PTPRJ: variants seen among roughly 807,000 people sequenced by gnomAD.
PTPRJ encodes protein tyrosine phosphatase receptor type J.
In PTPRJ, 129 loss-of-function variants were observed where a neutral mutation model predicts 141.3. The observed-to-expected ratio is 0.91, with a 90% confidence interval of 0.79 to 1.06. PTPRJ has a LOEUF of 1.06. Among genes scored for constraint, PTPRJ ranks in the 50% least tolerant of loss-of-function variants. The probability of loss-of-function intolerance (pLI) is 0.00; values close to 1 mark genes in which losing one functional copy is unlikely to be tolerated. For missense variants in PTPRJ, 1,601 were observed against 1,679.7 expected (o/e 0.95, Z 0.82); for synonymous variants, 610 against 640.5 (o/e 0.95, Z 0.72).
rs1462522421 is a variant in PTPRJ at position 48,007,558 on chromosome 11, A to G, written c.96+26550A>G. 2.0e-5 allele frequency among the ~76,000 whole-genome samples: 3 copies of G among 152,188 alleles called. No individual in the cohort carries two copies. The East Asian group carries it at 5.8e-4, about 29-fold the overall frequency. ...GCTGGGATTACAAGCATGTGCCACC[A>G]CACCTGGCTAATTTTTCTATTTTTA... On this transcript the variant is annotated intron_variant, in intron 1 of 24. Transcript: ENST00000418331.
chr11:47,993,863 CTG>C (rs1232435048), intron 1 of PTPRJ, among the ~76,000 whole-genome samples: 1 of 150,326 alleles, frequency 6.7e-6, no homozygotes, highest in Non-Finnish European at 1.5e-5. Context: ...CAGTCTCGCT[CTG>C]TTGCCCAGGC....
chr11:48,007,035 A>G (rs926935078), intron 1 of PTPRJ, among the ~76,000 whole-genome samples: 1 of 152,050 alleles, frequency 6.6e-6, no homozygotes, highest in African/African-American at 2.4e-5. Context: ...GAGCAGTCTG[A>G]TGTGTTCCCC....
At chr11:48,119,444 G>A (rs1274688551) in intron 3 of PTPRJ, among the ~76,000 whole-genome samples, 1 of 152,116 alleles carries the variant, frequency 6.6e-6, no homozygotes, top group Non-Finnish European at 1.5e-5. Flanking sequence ...TGTTGCCCAG[G>A]CTGGAGTGCA....
chr11:48,112,542 T>A (rs557012769), intron 2 of PTPRJ, among the ~76,000 whole-genome samples: 71 of 152,340 alleles, frequency 4.7e-4, no homozygotes, highest in African/African-American at 1.7e-3. Flanking sequence ...GCTTCTGCAC[T>A]CTCGTGGCCA....
intron 1 of PTPRJ, among the ~76,000 whole-genome samples, chr11:47,995,590 C>T (rs1285754331): frequency 6.6e-6 from 1 of 152,182 alleles, no homozygotes; most frequent in Non-Finnish European, 1.5e-5. Context: ...ATTTTAGATC[C>T]TGGAGCTATC....
Position 48,158,143 on chromosome 11 carries a change from C to CCAGAG in PTPRJ, c.3439-1787_3439-1786insCAGAG, listed in dbSNP as rs1428620786. 1.2e-4 allele frequency among the ~76,000 whole-genome samples: 18 copies of CCAGAG among 152,194 alleles called. No individual in the cohort carries two copies. The highest frequency in any genetic ancestry group is 2.6e-4 in the Admixed American group (4 of 15,284). On this transcript the variant is annotated intron_variant, in intron 21 of 24. Coordinates refer to ENST00000418331, the MANE Select transcript of PTPRJ (RefSeq NM_002843.4). The surrounding 1 kb of genome is among the most constrained non-coding windows in gnomAD (Gnocchi z 4.4). ...CTCCAGCCTAGGCAACAGAGCAAGA[C>CCAGAG]TCTGTCTCAAAACAAAACAAAACAA...
At chr11:48,163,657 G>A in intron 23 of PTPRJ, 39 bp downstream of exon 23, 2 of 1,574,240 alleles carry the variant, frequency 1.3e-6, no homozygotes, top group Non-Finnish European at 1.7e-6. Context: ...GATTTCAAAT[G>A]TCATTATATA....
At chr11:47,996,971 G>A (rs912872576) in intron 1 of PTPRJ, among the ~76,000 whole-genome samples, 2 of 152,224 alleles carry the variant, frequency 1.3e-5, no homozygotes. Flanking sequence ...GGAATGCTTA[G>A]CCTTTGCTCT....
chr11:48,030,430 C>T (rs545169248), intron 1 of PTPRJ, among the ~76,000 whole-genome samples: 1 of 152,300 alleles, frequency 6.6e-6, no homozygotes, highest in South Asian at 2.1e-4. Context: ...ATGATGGCTG[C>T]TGGGGCTCCA....
chr11:48,168,808 T>A lies in PTPRJ; in HGVS notation c.*1446T>A, dbSNP rs1224441401. The A allele has an allele frequency of 6.6e-6, 1 of 151,702 alleles. No individual in the cohort carries two copies. The highest frequency in any genetic ancestry group is 2.4e-5 in the African/African-American group (1 of 41,276). 9.4% of individuals were successfully genotyped at this position (151,702 alleles called of 1,614,324 possible). ...TTTATTGGTACATAATCTGTAAACT[T>A]CTTAAGGCATTAACATGAAAAGATT... On this transcript the variant is annotated 3_prime_UTR_variant, in exon 25 of 25. Coordinates refer to ENST00000418331, the MANE Select transcript of PTPRJ (RefSeq NM_002843.4).
At chr11:48,070,375 G>A (rs113252984) in intron 1 of PTPRJ, among the ~76,000 whole-genome samples, 2,313 of 152,122 alleles carry the variant, frequency 0.015, 59 homozygotes, top group African/African-American at 0.053. Flanking sequence ...GGTGGTGGGC[G>A]CCTGTAATCC....
chr11:47,986,918 A>G (rs1019839798), intron 1 of PTPRJ, among the ~76,000 whole-genome samples: 22 of 151,990 alleles, frequency 1.4e-4, no homozygotes, highest in African/African-American at 5.1e-4. Flanking sequence ...TTTTTCCCCT[A>G]ATGTTAAGAA....
At chr11:48,092,438 CT>C (rs1314785632) in intron 1 of PTPRJ, among the ~76,000 whole-genome samples, 2 of 147,124 alleles carry the variant, frequency 1.4e-5, no homozygotes. Flanking sequence ...TGTCTTTTTT[CT>C]TTTTTTTTGA....
chr11:48,167,651 C>T lies in PTPRJ; in HGVS notation c.*289C>T, dbSNP rs1412719982. 3 of 279,160 alleles carry T rather than the reference C, an allele frequency of 1.1e-5. No individual in the cohort carries two copies. Among genetic ancestry groups the T allele is most frequent in the Non-Finnish European group, 2.0e-5 (3 of 152,556 alleles). The allele number at this position is 279,160 out of a possible 1,614,324, so 17.3% of individuals were successfully genotyped here. A position where few individuals can be genotyped will look rare whatever the true frequency, so the allele number is the denominator to read the frequency against. Reference sequence around the variant, plus strand: ...ATTGTGGAAAACCAGGAAAAGGGAGCTATGATTTTTTTTTCCAAAACAATT... The same window carrying T: ...ATTGTGGAAAACCAGGAAAAGGGAGTTATGATTTTTTTTTCCAAAACAATT... On this transcript the variant is annotated 3_prime_UTR_variant, in exon 25 of 25. Coordinates refer to ENST00000418331, the MANE Select transcript of PTPRJ (RefSeq NM_002843.4).
chr11:47,986,445 C>A (rs969128928), intron 1 of PTPRJ, among the ~76,000 whole-genome samples: 2 of 152,216 alleles, frequency 1.3e-5, no homozygotes, highest in African/African-American at 4.8e-5. Context: ...TAAAGCAAGG[C>A]CCAACTGCTA....
intron 1 of PTPRJ, among the ~76,000 whole-genome samples, chr11:48,071,902 AT>A (rs35087042): frequency 0.062 from 5,107 of 82,390 alleles, 77 homozygotes; most frequent in African/African-American, 0.094. Context: ...ACGCCTGGCC[AT>A]TTTTTTTTTT....
intron 1 of PTPRJ, among the ~76,000 whole-genome samples, chr11:48,039,088 T>A (rs937725671): frequency 2.5e-4 from 37 of 149,548 alleles, no homozygotes; most frequent in African/African-American, 8.7e-4. Flanking sequence ...AGGCAGAGGT[T>A]GCAGTGAGCT....
At chr11:48,124,251 T>G (rs1856782978) in intron 5 of PTPRJ, among the ~76,000 whole-genome samples, 1 of 152,166 alleles carries the variant, frequency 6.6e-6, no homozygotes, top group Non-Finnish European at 1.5e-5. Flanking sequence ...TTGCAGAGGA[T>G]CCCCAGGATA....
At chr11:47,989,859 A>G (rs1253003624) in intron 1 of PTPRJ, among the ~76,000 whole-genome samples, 1 of 152,102 alleles carries the variant, frequency 6.6e-6, no homozygotes, top group East Asian at 1.9e-4. Context: ...TCTTGGCTCT[A>G]CCACCTCATT....
Sources: allele counts gnomAD v4.1 joint callset (sites outside exome capture counted in the v4.1 genomes callset), GRCh38; gene constraint gnomAD v4.1.1; non-coding constraint Gnocchi (gnomAD v3.1); transcripts MANE v1.5; gene names NCBI Gene and HGNC (gene_info 2026-07-23, HGNC 2026-07-21).